The following NCK1 variants were observed in gnomAD, a reference collection of about 807,000 sequenced individuals.
NCK1 encodes NCK adaptor protein 1.
NCK1 carries 19 observed loss-of-function variants against 36.6 expected under a neutral mutation model. That is an observed-to-expected ratio of 0.52 (90% CI 0.36 to 0.76). The LOEUF (loss-of-function observed/expected upper bound fraction) is 0.76. NCK1 is among the 30% of genes least tolerant of loss of function. The probability of loss-of-function intolerance (pLI) is 0.00; values close to 1 mark genes in which losing one functional copy is unlikely to be tolerated. For missense variants in NCK1, 358 were observed against 445.6 expected (o/e 0.80, Z 1.77); for synonymous variants, 165 against 156.0 (o/e 1.06, Z -0.43).
At chr3:136,913,068 T>C (rs2039143056) in intron 1 of NCK1, among the ~76,000 whole-genome samples, 1 of 152,194 alleles carries the variant, frequency 6.6e-6, no homozygotes, top group African/African-American at 2.4e-5. Flanking sequence ...AAGGTAGCTT[T>C]TTAAAAGTCT....
chr3:136,876,611 C>G (rs1035549626), intron 1 of NCK1, among the ~76,000 whole-genome samples: 14 of 151,334 alleles, frequency 9.3e-5, no homozygotes, highest in Admixed American at 4.0e-4. Flanking sequence ...CCTATTTTGT[C>G]TCTGTTATAA....
At chr3:136,878,196 G>C (rs561948718) in intron 1 of NCK1, among the ~76,000 whole-genome samples, 1 of 152,222 alleles carries the variant, frequency 6.6e-6, no homozygotes, top group Non-Finnish European at 1.5e-5. Flanking sequence ...ATCACTTGAG[G>C]TCAGGAGTTT....
Position 136,912,927 on chromosome 3 carries a change from G to A in NCK1, c.-18-15057G>A, listed in dbSNP as rs1373947654. 4.6e-5 allele frequency among the ~76,000 whole-genome samples: 7 copies of A among 152,130 alleles called. No individual in the cohort carries two copies. In the East Asian group the frequency reaches 1.4e-3, roughly 29 times the overall value. ...TCTGCCTCAGCCTCCTAAAATACAAGGATTACAGGTGTGAGCCACTGCACC... is the reference window on the plus strand; with the variant it reads ...TCTGCCTCAGCCTCCTAAAATACAAAGATTACAGGTGTGAGCCACTGCACC... On this transcript the variant is annotated intron_variant, in intron 1 of 3. Transcript: ENST00000481752.
chr3:136,872,105 A>G (rs1938640583), intron 1 of NCK1, among the ~76,000 whole-genome samples: 1 of 152,222 alleles, frequency 6.6e-6, no homozygotes, highest in Non-Finnish European at 1.5e-5. Flanking sequence ...ACTGGGTAAC[A>G]GGCAGAGGTT....
chr3:136,912,786 G>A (rs560124156), intron 1 of NCK1, among the ~76,000 whole-genome samples: 1 of 151,954 alleles, frequency 6.6e-6, no homozygotes, highest in Non-Finnish European at 1.5e-5. Flanking sequence ...TTCCTGAGTA[G>A]CTGGAACTAC....
chr3:136,899,190 A>T (rs551277935), intron 1 of NCK1: 1 of 222,422 alleles, frequency 4.5e-6, no homozygotes, highest in Admixed American at 4.9e-5. Flanking sequence ...TATTGCTGCT[A>T]CTTCCAGATG....
intron 1 of NCK1, among the ~76,000 whole-genome samples, chr3:136,917,786 T>C (rs893865855): frequency 6.6e-6 from 1 of 152,218 alleles, no homozygotes; most frequent in Admixed American, 6.5e-5. Context: ...GTAAAATCTC[T>C]GCTTCCATGT....
chr3:136,911,923 CTG>C (rs1450805121), intron 1 of NCK1, among the ~76,000 whole-genome samples: 1 of 151,954 alleles, frequency 6.6e-6, no homozygotes, highest in African/African-American at 2.4e-5. Flanking sequence ...TATTAGCCCA[CTG>C]TGTTTTGGCC....
At chr3:136,863,791 C>T (rs1253647841) in intron 1 of NCK1, among the ~76,000 whole-genome samples, 1 of 152,000 alleles carries the variant, frequency 6.6e-6, no homozygotes, top group Non-Finnish European at 1.5e-5. Context: ...TTGAAACCTA[C>T]GTGTAATGTT....
At chr3:136,874,814 T>C (rs1263178080) in intron 1 of NCK1, among the ~76,000 whole-genome samples, 2 of 152,196 alleles carry the variant, frequency 1.3e-5, no homozygotes, top group Non-Finnish European at 2.9e-5. Flanking sequence ...GAAAACTTTT[T>C]TTCATGTTCA....
intron 1 of NCK1, among the ~76,000 whole-genome samples, chr3:136,879,049 A>G (rs1938856099): frequency 2.0e-5 from 3 of 152,130 alleles, no homozygotes; most frequent in South Asian, 4.1e-4. Context: ...ATAATCAAGG[A>G]TCACCAGACA....
At chr3:136,884,518 G>A (rs551293761) in intron 1 of NCK1, among the ~76,000 whole-genome samples, 20 of 152,106 alleles carry the variant, frequency 1.3e-4, no homozygotes, top group East Asian at 7.7e-4. Context: ...CTTGCTCACC[G>A]CAACCTCCGC....
chr3:136,917,479 T>C (rs1939999736), intron 1 of NCK1, among the ~76,000 whole-genome samples: 1 of 152,238 alleles, frequency 6.6e-6, no homozygotes, highest in Non-Finnish European at 1.5e-5. Flanking sequence ...TTTGGGGGTT[T>C]TTCTCCAGCT....
rs1233659440 is a variant in NCK1 at position 136,945,943 on chromosome 3, A to G, written c.587A>G (p.Gln196Arg). The change falls in exon 3 of 4, where the codon CAG (glutamine) becomes CGG (arginine). Residue 196 changes from glutamine (Q) to arginine (R), a missense_variant. By Grantham distance (43) the Gln-to-Arg change is conservative. This residue lies in a region of NCK1 where 207 missense variants were observed against 253.4 expected (regional missense o/e 0.82). Coordinates refer to ENST00000481752, the MANE Select transcript of NCK1 (RefSeq NM_001291999.2). Reference protein sequence around the residue: ...LNTGQVLHVVQALYPFSSSND... With the variant: ...LNTGQVLHVVRALYPFSSSND... Reference sequence around the variant, plus strand: ...ACTGGGCAAGTGTTGCATGTGGTACAGGCTCTTTACCCATTCAGCTCATCT... The same window carrying G: ...ACTGGGCAAGTGTTGCATGTGGTACGGGCTCTTTACCCATTCAGCTCATCT... 3 of 1,614,116 alleles carry G rather than the reference A, an allele frequency of 1.9e-6. No homozygotes were observed. Among genetic ancestry groups the G allele is most frequent in the East Asian group, 4.5e-5 (2 of 44,876 alleles).
chr3:136,946,971 TA>T (rs768395599), intron 3 of NCK1: 11 of 151,468 alleles, frequency 7.3e-5, no homozygotes, highest in Non-Finnish European at 1.3e-4. Flanking sequence ...TCATTTTCCT[TA>T]AAAATGGCCT....
chr3:136,871,416 A>T (rs957545089), intron 1 of NCK1, among the ~76,000 whole-genome samples: 1 of 152,044 alleles, frequency 6.6e-6, no homozygotes, highest in African/African-American at 2.4e-5. Context: ...AAAATTAAAA[A>T]TTTGTTTAGA....
At chr3:136,946,532 T>C (rs1426173919) in intron 3 of NCK1, among the ~76,000 whole-genome samples, 2 of 152,238 alleles carry the variant, frequency 1.3e-5, no homozygotes, top group Non-Finnish European at 2.9e-5. Flanking sequence ...TGTCTAGTTC[T>C]GTTGATTTTG....
At chr3:136,909,309 C>T (rs974544620) in intron 1 of NCK1, among the ~76,000 whole-genome samples, 3 of 152,016 alleles carry the variant, frequency 2.0e-5, no homozygotes, top group Non-Finnish European at 2.9e-5. Context: ...CTTAAAAATA[C>T]GTAGAAGTTT....
chr3:136,908,637 A>G (rs576081694), intron 1 of NCK1, among the ~76,000 whole-genome samples: 1 of 152,340 alleles, frequency 6.6e-6, no homozygotes, highest in Non-Finnish European at 1.5e-5. Context: ...ACTGCGACTG[A>G]TTACTGCCAA....
Sources: gnomAD v4.1 joint callset for allele counts (sites outside exome capture counted in the v4.1 genomes callset) on GRCh38, gnomAD v4.1.1 for gene constraint, gnomAD v4.1.1 regional missense constraint, MANE v1.5 for transcripts, NCBI Gene and HGNC (gene_info 2026-07-23, HGNC 2026-07-21) for gene names.